Variants in CTNNA2 observed in about 807,000 individuals in gnomAD.
CTNNA2 encodes catenin alpha 2, also known as catenin alpha-2.
CTNNA2 carries 42 observed loss-of-function variants against 101.0 expected under a neutral mutation model. That is an observed-to-expected ratio of 0.42 (90% confidence interval 0.32 to 0.54). CTNNA2 has a LOEUF of 0.54. CTNNA2 is among the 20% of genes least tolerant of loss of function. CTNNA2 has a pLI of 0.14. For synonymous variants in CTNNA2, 450 were observed against 456.4 expected (o/e 0.99, Z 0.18); for missense variants, 871 against 1,223.1 (o/e 0.71, Z 4.29).
chr2:80,322,274 A>T (rs1678771227), intron 7 of CTNNA2, among the ~76,000 whole-genome samples: 1 of 152,180 alleles, frequency 6.6e-6, no homozygotes, highest in South Asian at 2.1e-4. Flanking sequence ...AGTGATTAAA[A>T]CTAGGTAATA....
intron 7 of CTNNA2, among the ~76,000 whole-genome samples, chr2:80,140,971 C>G (rs1217141568): frequency 2.0e-5 from 3 of 152,136 alleles, no homozygotes; most frequent in East Asian, 1.9e-4. Context: ...CTTCATGATT[C>G]AGTTTGATTT....
At chr2:80,341,716 G>A (rs1326815925) in intron 7 of CTNNA2, among the ~76,000 whole-genome samples, 2 of 152,168 alleles carry the variant, frequency 1.3e-5, no homozygotes, top group African/African-American at 2.4e-5. Flanking sequence ...AGGTTCTCAA[G>A]TTGCTAAATA....
At chr2:80,457,157 G>C (rs931798980) in intron 9 of CTNNA2, among the ~76,000 whole-genome samples, 1 of 151,632 alleles carries the variant, frequency 6.6e-6, no homozygotes, top group East Asian at 1.9e-4. Flanking sequence ...TCTGCCTCCC[G>C]GGTTCAAGTG....
At chr2:79,322,274 T>C (rs1290734247) in intron 3 of CTNNA2, among the ~76,000 whole-genome samples, 5 of 152,208 alleles carry the variant, frequency 3.3e-5, no homozygotes, top group African/African-American at 7.2e-5. Flanking sequence ...TTAGGTGATA[T>C]AGACTGCGGG....
chr2:80,410,906 G>C (rs138411342), intron 8 of CTNNA2, among the ~76,000 whole-genome samples: 162 of 152,256 alleles, frequency 1.1e-3, no homozygotes, highest in Non-Finnish European at 2.0e-3. Context: ...AAGAAGTTTT[G>C]ATCCTAATAC....
intron 4 of CTNNA2, among the ~76,000 whole-genome samples, chr2:79,504,086 C>T (rs1377614183): frequency 1.3e-5 from 2 of 152,096 alleles, no homozygotes; most frequent in Non-Finnish European, 2.9e-5. Context: ...TGGCTCATTC[C>T]CATCAAGTGA....
intron 1 of CTNNA2, among the ~76,000 whole-genome samples, chr2:79,629,783 T>C (rs898507135): frequency 2.6e-5 from 4 of 152,186 alleles, no homozygotes; most frequent in African/African-American, 9.7e-5. Context: ...TTAATGACTT[T>C]TTTTAATTTT....
intron 1 of CTNNA2, among the ~76,000 whole-genome samples, chr2:79,650,962 G>A (rs1681203115): frequency 6.6e-6 from 1 of 152,062 alleles, no homozygotes; most frequent in Admixed American, 6.6e-5. Context: ...CACAGGACAT[G>A]AACTCATCAT....
In CTNNA2 at chr2:79,286,200, C is replaced by T. The variant is rs1338237441; in HGVS notation, c.-405-26509C>T. Among the ~76,000 whole-genome samples, 5 of 152,234 alleles carry T rather than the reference C, an allele frequency of 3.3e-5. No individual in the cohort carries two copies. The East Asian group carries it at 9.7e-4, about 29-fold the overall frequency. ...TACAGCACACTGATGGGTCTTGACT[C>T]TTTATCCAATTTGCCAGTCTGTGTC... On this transcript the variant is annotated intron_variant, in intron 2 of 21. Coordinates refer to the CTNNA2 transcript ENST00000466387.
chr2:79,685,208 G>A (rs1683853009), intron 2 of CTNNA2, among the ~76,000 whole-genome samples: 1 of 151,996 alleles, frequency 6.6e-6, no homozygotes, highest in Non-Finnish European at 1.5e-5. Context: ...TCATAAACTA[G>A]ATTAGCATAT....
chr2:80,543,051 T>C (rs895404885), intron 9 of CTNNA2, among the ~76,000 whole-genome samples: 5 of 152,206 alleles, frequency 3.3e-5, no homozygotes, highest in Non-Finnish European at 7.3e-5. Flanking sequence ...GAGGGCACCA[T>C]TTATCCATTG....
At chr2:80,515,760 A>G (rs573068012) in intron 9 of CTNNA2, among the ~76,000 whole-genome samples, 1 of 152,262 alleles carries the variant, frequency 6.6e-6, no homozygotes, top group Non-Finnish European at 1.5e-5. Flanking sequence ...TGCTTTGTGG[A>G]AAATAAAGCA....
intron 7 of CTNNA2, among the ~76,000 whole-genome samples, chr2:80,366,944 C>T (rs9789373): frequency 0.087 from 13,122 of 151,166 alleles, 924 homozygotes; most frequent in African/African-American, 0.2. Context: ...TCCAGAAAAG[C>T]GGGACAACTG....
At chr2:80,432,325 A>T (rs1307635487) in intron 9 of CTNNA2, among the ~76,000 whole-genome samples, 2 of 152,222 alleles carry the variant, frequency 1.3e-5, no homozygotes, top group African/African-American at 4.8e-5. Context: ...GTAAAATACA[A>T]CATGAGCATC....
intron 7 of CTNNA2, among the ~76,000 whole-genome samples, chr2:80,089,344 A>C (rs989068231): frequency 6.6e-6 from 1 of 152,010 alleles, no homozygotes; most frequent in African/African-American, 2.4e-5. Flanking sequence ...CAAAGAAAGG[A>C]GTCCCTAATA....
At chr2:79,414,686 C>G (rs1678457994) in intron 4 of CTNNA2, among the ~76,000 whole-genome samples, 1 of 152,012 alleles carries the variant, frequency 6.6e-6, no homozygotes, top group South Asian at 2.1e-4. Context: ...TCCACAAGGT[C>G]TTCTCCTCTC....
intron 7 of CTNNA2, among the ~76,000 whole-genome samples, chr2:80,216,711 A>G (rs1326129745): frequency 6.6e-6 from 1 of 152,194 alleles, no homozygotes; most frequent in African/African-American, 2.4e-5. Flanking sequence ...TGAGAAACAA[A>G]TTTCTGTTGT....
chr2:80,566,884 T>C (rs1310015335), intron 12 of CTNNA2, among the ~76,000 whole-genome samples: 2 of 152,190 alleles, frequency 1.3e-5, no homozygotes, highest in East Asian at 3.8e-4. Context: ...CGAACATTAA[T>C]TGAAGAAGCT....
At chr2:79,649,558 C>T (rs1681069295) in intron 1 of CTNNA2, among the ~76,000 whole-genome samples, 1 of 152,172 alleles carries the variant, frequency 6.6e-6, no homozygotes, top group African/African-American at 2.4e-5. Flanking sequence ...GCATCTTTAT[C>T]CTTCTATGGC....
Sources: allele counts gnomAD v4.1 joint callset (sites outside exome capture counted in the v4.1 genomes callset), GRCh38; gene constraint gnomAD v4.1.1; transcripts MANE v1.5; gene names NCBI Gene and HGNC (gene_info 2026-07-23, HGNC 2026-07-21).